The following CERKL variants were observed in gnomAD, a reference collection of about 807,000 sequenced individuals.
The protein encoded by CERKL is CERK like autophagy regulator, also known as ceramide kinase-like protein.
A neutral mutation model predicts 63.4 loss-of-function variants in CERKL; 61 were observed. The ratio of observed to expected loss-of-function variants is 0.96; its 90% CI spans 0.78 to 1.19. The LOEUF (loss-of-function observed/expected upper bound fraction) is 1.19, where lower values mean the gene tolerates loss of function less well. Ranked by LOEUF, CERKL falls within the 50% of genes most tolerant of loss-of-function variation. The pLI is 0.00. For missense variants in CERKL, 675 were observed against 655.5 expected (o/e 1.03, Z -0.33); for synonymous variants, 250 against 230.5 (o/e 1.08, Z -0.77).
intron 5 of CERKL, among the ~76,000 whole-genome samples, chr2:181,551,469 GA>G (rs1270989867): frequency 2.0e-5 from 3 of 151,192 alleles, no homozygotes; most frequent in Admixed American, 6.6e-5. Context: ...ATATTTATAA[GA>G]AAAAAAAATT....
chr2:181,623,272 T>C (rs1023154692), intron 1 of CERKL, among the ~76,000 whole-genome samples: 1 of 152,098 alleles, frequency 6.6e-6, no homozygotes, highest in African/African-American at 2.4e-5. Flanking sequence ...AAGGATGAAA[T>C]TACATTAAAA....
chr2:181,612,842 G>A (rs868514619), intron 1 of CERKL, among the ~76,000 whole-genome samples: 2 of 151,898 alleles, frequency 1.3e-5, no homozygotes, highest in African/African-American at 4.8e-5. Context: ...ACTAAAAATT[G>A]TATCTATGCT....
chr2:181,578,009 T>G (rs886288967), intron 2 of CERKL, among the ~76,000 whole-genome samples: 9 of 152,182 alleles, frequency 5.9e-5, no homozygotes. Context: ...ACATTCTATA[T>G]TTGAGAAACC....
intron 1 of CERKL, among the ~76,000 whole-genome samples, chr2:181,655,459 A>G (rs1559127695): frequency 6.6e-6 from 1 of 152,280 alleles, no homozygotes; most frequent in African/African-American, 2.4e-5. Flanking sequence ...AGACTTACAA[A>G]TAATTCCATA....
intron 1 of CERKL, among the ~76,000 whole-genome samples, chr2:181,607,970 A>G (rs112513227): frequency 5.9e-5 from 9 of 152,228 alleles, no homozygotes; most frequent in African/African-American, 2.2e-4. Flanking sequence ...CTAGTCAAAC[A>G]ATTAATGAAA....
chr2:181,587,185 A>T (rs948717929), intron 2 of CERKL, among the ~76,000 whole-genome samples: 1 of 152,222 alleles, frequency 6.6e-6, no homozygotes, highest in Admixed American at 6.5e-5. Flanking sequence ...TTATAGATGC[A>T]GATCTTTACA....
chr2:181,561,409 CAAAAA>C (rs3060971), intron 4 of CERKL, among the ~76,000 whole-genome samples: 1 of 122,972 alleles, frequency 8.1e-6, no homozygotes, highest in African/African-American at 2.9e-5. Flanking sequence ...GAATTTATCT[CAAAAA>C]AAAAAAAAAA....
At chr2:181,633,912 A>G (rs185252188) in intron 1 of CERKL, among the ~76,000 whole-genome samples, 1 of 152,194 alleles carries the variant, frequency 6.6e-6, no homozygotes, top group Non-Finnish European at 1.5e-5. Flanking sequence ...CTGACCAAGG[A>G]TACACCACAA....
chr2:181,538,451 T>TGATTGTCCAATGCTCTCCA (rs1367974778), intron 12 of CERKL, among the ~76,000 whole-genome samples: 3 of 152,102 alleles, frequency 2.0e-5, no homozygotes, highest in Admixed American at 6.6e-5. Flanking sequence ...CTGACTTCCT[T>TGATTGTCCAATGCTCTCCA]GATTGTCCAA....
chr2:181,588,588 T>C (rs1684859270), intron 2 of CERKL, among the ~76,000 whole-genome samples: 1 of 152,230 alleles, frequency 6.6e-6, no homozygotes, highest in South Asian at 2.1e-4. Flanking sequence ...ATATACTGAT[T>C]TCCTTTGGAT....
rs985187717 is a variant in CERKL, at chr2:181,537,410, ATTTG to A, written c.*770_*773del. ...TAGATTTTGCCCAGTTCAAAATAGTATTTGTTATCAACTTACTTTGTTACTTGTA... is the reference window on the plus strand; with the variant it reads ...TAGATTTTGCCCAGTTCAAAATAGTATTATCAACTTACTTTGTTACTTGTA... On this transcript the variant is annotated 3_prime_UTR_variant, in exon 13 of 13. Transcript: ENST00000410087. 1 of 453,862 alleles carries A rather than the reference ATTTG, an allele frequency of 2.2e-6. No homozygotes were observed. Among genetic ancestry groups the A allele is most frequent in the African/African-American group, 2.0e-5 (1 of 49,998 alleles). The allele number at this position is 453,862 out of a possible 1,614,324, so 28.1% of individuals were successfully genotyped here.
Position 181,558,428 on chromosome 2 carries a change from AT to A in CERKL, c.820+137del. On this transcript the variant is annotated intron_variant, in intron 5 of 12. Coordinates refer to ENST00000410087, the MANE Select transcript of CERKL (RefSeq NM_201548.5). The surrounding 1 kb of genome is among the most constrained non-coding windows in gnomAD (Gnocchi z 4.2). The stretch of plus-strand genomic sequence containing the variant: ...TTAAATGACTTGTCAAAAGTCTCAC[AT>A]TTGCTAGTGGGGATGCCAGAAGTCT... The A allele has an allele frequency of 1.1e-6, 1 of 889,872 alleles. No homozygotes were observed. Among genetic ancestry groups the A allele is most frequent in the Non-Finnish European group, 1.8e-6 (1 of 543,598 alleles). The allele number at this position is 889,872 out of a possible 1,614,324, so 55.1% of individuals were successfully genotyped here.
intron 1 of CERKL, among the ~76,000 whole-genome samples, chr2:181,608,026 T>TA (rs1181458433): frequency 6.6e-6 from 1 of 152,170 alleles, no homozygotes; most frequent in Non-Finnish European, 1.5e-5. Context: ...AGAGTCTTCT[T>TA]ATGTTTGCCC....
intron 2 of CERKL, among the ~76,000 whole-genome samples, chr2:181,588,026 ATGT>A (rs1684838332): frequency 6.6e-6 from 1 of 152,202 alleles, no homozygotes; most frequent in African/African-American, 2.4e-5. Context: ...CATGTACATC[ATGT>A]TGTTTTGAAA....
chr2:181,551,402 T>A (rs1468556290), intron 5 of CERKL, among the ~76,000 whole-genome samples: 4 of 152,116 alleles, frequency 2.6e-5, no homozygotes, highest in Non-Finnish European at 5.9e-5. Context: ...GAGAAAATTT[T>A]TGCAATGTAC....
At chr2:181,560,525 T>C (rs1688394943) in intron 4 of CERKL, among the ~76,000 whole-genome samples, 1 of 151,916 alleles carries the variant, frequency 6.6e-6, no homozygotes. Context: ...ATAATTACTA[T>C]ATATATATAT....
rs1438048098 is a variant in CERKL, at chr2:181,537,246, T to TACATTTGGTTCTTTCCTACTC, written c.*917_*937dup. The TACATTTGGTTCTTTCCTACTC allele has an allele frequency of 2.2e-6, 1 of 453,904 alleles. No homozygotes were observed. The highest frequency in any genetic ancestry group is 4.4e-6 in the Non-Finnish European group (1 of 226,734). 28.1% of individuals were successfully genotyped at this position (453,904 alleles called of 1,614,324 possible). On this transcript the variant is annotated 3_prime_UTR_variant, in exon 13 of 13. Transcript: ENST00000410087. Reference sequence around the variant, plus strand: ...CTCCAGGATGGTCTCTAAGGAAATTTACATTTGGTTCTTTCCTACTCAGAA... The same window carrying TACATTTGGTTCTTTCCTACTC: ...CTCCAGGATGGTCTCTAAGGAAATTTACATTTGGTTCTTTCCTACTCACATTTGGTTCTTTCCTACTCAGAA...
intron 1 of CERKL, among the ~76,000 whole-genome samples, chr2:181,650,640 C>T (rs1161986578): frequency 6.6e-6 from 1 of 151,984 alleles, no homozygotes; most frequent in South Asian, 2.1e-4. Context: ...TGCCTATAAT[C>T]CCAGCTACTC....
intron 5 of CERKL, among the ~76,000 whole-genome samples, chr2:181,556,497 C>A (rs919946474): frequency 6.6e-6 from 1 of 151,712 alleles, no homozygotes; most frequent in African/African-American, 2.4e-5. Context: ...TGCGGTGTTT[C>A]GTTTTTTGTC....
Sources: gnomAD v4.1 joint callset for allele counts (sites outside exome capture counted in the v4.1 genomes callset) on GRCh38, gnomAD v4.1.1 for gene constraint, Gnocchi (gnomAD v3.1) non-coding constraint, MANE v1.5 for transcripts, NCBI Gene and HGNC (gene_info 2026-07-23, HGNC 2026-07-21) for gene names.